Variants in DNAH14 observed in about 807,000 individuals in gnomAD.
DNAH14 encodes the protein axonemal beta dynein heavy chain 14.
A neutral mutation model predicts 520.9 loss-of-function variants in DNAH14; 478 were observed. The observed-to-expected ratio is 0.92, with a 90% CI of 0.85 to 0.99. The LOEUF is 0.99. DNAH14 is among the 50% of genes least tolerant of loss of function. DNAH14 has a pLI of 0.00. For missense variants in DNAH14, 4,831 were observed against 5,234.5 expected (o/e 0.92, Z 2.38); for synonymous variants, 1,581 against 1,757.2 (o/e 0.90, Z 2.51).
intron 23 of DNAH14, among the ~76,000 whole-genome samples, chr1:225,109,800 G>C (rs1401979729): frequency 6.6e-6 from 1 of 152,094 alleles, no homozygotes; most frequent in Non-Finnish European, 1.5e-5. Flanking sequence ...AGATCTTAGA[G>C]GAAAGGCTTT....
intron 41 of DNAH14, 90 bp downstream of exon 41, chr1:225,207,310 C>T (rs2087709580): frequency 7.5e-7 from 1 of 1,335,270 alleles, no homozygotes. Context: ...GAAAATTTTT[C>T]AAAGAGCAGG....
rs371972178 is a variant in DNAH14, at chr1:225,318,593, A to G, written c.9251A>G (p.Asn3084Ser). ...ATATTTTTATTGCAGAAAACTGCCA[A>G]TGAACTAAAAAGTGTGCTGCCAGCC... ...IVEDYAQKTA[N>S]ELKSVLPAFD... The change falls in exon 61 of 86, where the codon AAT (asparagine) becomes AGT (serine). Residue 3084 changes from asparagine (N) to serine (S), a missense_variant. Asn to Ser is a conservative substitution (Grantham distance 46, BLOSUM62 1). Coordinates refer to ENST00000682510, the MANE Select transcript of DNAH14 (RefSeq NM_001367479.1). 289 of 1,545,326 alleles carry G rather than the reference A, an allele frequency of 1.9e-4. No individual in the cohort carries two copies. In the African/African-American group the frequency reaches 3.4e-3, roughly 18 times the overall value.
chr1:225,276,942 A>AAAGGAAGGAAGG (rs1233915382), intron 53 of DNAH14, among the ~76,000 whole-genome samples: 2 of 69,058 alleles, frequency 2.9e-5, no homozygotes, highest in Non-Finnish European at 5.9e-5. Context: ...AGAAGAAGAA[A>AAAGGAAGGAAGG]AAGGAAGGAA....
chr1:225,270,222 A>T lies in DNAH14; in HGVS notation c.7540-513A>T, dbSNP rs752229261. On this transcript the variant is annotated intron_variant, in intron 49 of 85. Coordinates refer to ENST00000682510, the MANE Select transcript of DNAH14 (RefSeq NM_001367479.1). ...TCATTCTGAGCAAACTATCGCAAGG[A>T]CAGAAAACCAAACACCGCATGTTCT... Among the ~76,000 whole-genome samples the T allele has an allele frequency of 1.2e-4, 18 of 150,554 alleles. No individual in the cohort carries two copies. The East Asian group carries it at 2.4e-3, about 20-fold the overall frequency.
chr1:225,254,078 C>G (rs371651965), intron 44 of DNAH14, among the ~76,000 whole-genome samples: 6 of 151,694 alleles, frequency 4.0e-5, no homozygotes, highest in East Asian at 3.9e-4. Flanking sequence ...TTTTTTTCTC[C>G]CCTTTCTTGC....
intron 17 of DNAH14, among the ~76,000 whole-genome samples, chr1:225,075,825 G>A (rs1482093167): frequency 1.3e-5 from 2 of 152,158 alleles, no homozygotes; most frequent in Non-Finnish European, 2.9e-5. Flanking sequence ...GCCATGCTTT[G>A]GTGTCTGTGC....
intron 11 of DNAH14, among the ~76,000 whole-genome samples, chr1:225,035,096 G>T (rs1413746981): frequency 6.6e-6 from 1 of 151,764 alleles, no homozygotes; most frequent in African/African-American, 2.4e-5. Flanking sequence ...CTTCTGTTGG[G>T]CTCTGATTTT....
chr1:225,259,253 G>T lies in DNAH14; in HGVS notation c.7157G>T (p.Ser2386Ile). The T allele has an allele frequency of 1.4e-6, 2 of 1,454,902 alleles. No homozygotes were observed. Among genetic ancestry groups the T allele is most frequent in the Non-Finnish European group, 1.8e-6 (2 of 1,095,922 alleles). The allele number at this position is 1,454,902 out of a possible 1,614,324, so 90.1% of individuals were successfully genotyped here. A position where few individuals can be genotyped will look rare whatever the true frequency, so the allele number is the denominator to read the frequency against. ...TTATATAGTGAAATAAAAAAATCAA[G>T]GTTGTATATACTAACTTCTAAATTT... ...TLLYSEIKKS[S>I]SLKQNITILI... is the part of the protein sequence containing the mutation. Residue 2386 changes from serine (S) to isoleucine (I), a missense_variant and splice_region_variant, in exon 46 of 86, where the codon AGT (serine) becomes ATT (isoleucine). By Grantham distance (142) the Ser-to-Ile change is moderately radical. Transcript: ENST00000682510.
intron 15 of DNAH14, 86 bp downstream of exon 15, chr1:225,044,069 G>A: frequency 5.7e-6 from 4 of 706,118 alleles, no homozygotes. Context: ...TTTACCCAGG[G>A]ATGTGGCAGA....
chr1:225,005,469 C>A lies in DNAH14; in HGVS notation c.976-1944C>A, dbSNP rs374067460. ...GGAGAGATACTTGAGTGATAGAGATCAATTATTATAGTACTGGATAAATGC... is the reference window on the plus strand; with the variant it reads ...GGAGAGATACTTGAGTGATAGAGATAAATTATTATAGTACTGGATAAATGC... On this transcript the variant is annotated intron_variant, in intron 9 of 85. Coordinates refer to ENST00000682510, the MANE Select transcript of DNAH14 (RefSeq NM_001367479.1). Among the ~76,000 whole-genome samples the A allele has an allele frequency of 2.6e-5, 4 of 151,988 alleles. No individual in the cohort carries two copies. In the South Asian group the frequency reaches 8.3e-4, roughly 32 times the overall value.
At chr1:225,086,429 C>T (rs3128660) in intron 21 of DNAH14, among the ~76,000 whole-genome samples, 121,300 of 151,896 alleles carry the variant, frequency 0.8, 51,763 homozygotes, top group Non-Finnish European at 0.96. Context: ...CCACCGTGCC[C>T]GACCCCTAAT....
At chr1:225,203,304 T>A (rs2087103500) in intron 38 of DNAH14, among the ~76,000 whole-genome samples, 1 of 152,184 alleles carries the variant, frequency 6.6e-6, no homozygotes, top group Non-Finnish European at 1.5e-5. Flanking sequence ...CCAAGCATAA[T>A]AATTACTTTT....
At chr1:225,255,767 A>G (rs1010775033) in intron 44 of DNAH14, among the ~76,000 whole-genome samples, 1 of 152,218 alleles carries the variant, frequency 6.6e-6, no homozygotes, top group African/African-American at 2.4e-5. Flanking sequence ...GACTTGGATG[A>G]CTAGAATAAA....
chr1:225,152,585 A>G (rs2080603277), intron 32 of DNAH14, 112 bp from the exon 33 acceptor site: 4 of 993,072 alleles, frequency 4.0e-6, no homozygotes, highest in Non-Finnish European at 5.7e-6. Flanking sequence ...TAATTTTCAG[A>G]TAAAGGTCAC....
In DNAH14 at chr1:225,073,015, A is replaced by G. The variant is rs145238652; in HGVS notation, c.2425-6192A>G. Among the ~76,000 whole-genome samples the G allele has an allele frequency of 2.2e-4, 33 of 152,172 alleles. No homozygotes were observed. The East Asian group carries it at 5.8e-3, about 27-fold the overall frequency. Reference sequence around the variant, plus strand: ...ACCCACTTAACAAAGTAGTCTGGCCATGTTTTCATAGAGTAGCCATCCTGT... The same window carrying G: ...ACCCACTTAACAAAGTAGTCTGGCCGTGTTTTCATAGAGTAGCCATCCTGT... On this transcript the variant is annotated intron_variant, in intron 17 of 85. Coordinates refer to ENST00000682510, the MANE Select transcript of DNAH14 (RefSeq NM_001367479.1).
In DNAH14 at chr1:225,222,721, C is replaced by T. The variant is rs532008015; in HGVS notation, c.6440-8352C>T. Among the ~76,000 whole-genome samples the T allele has an allele frequency of 2.1e-4, 32 of 152,242 alleles. No homozygotes were observed. The East Asian group carries it at 2.9e-3, about 14-fold the overall frequency. ...CAGAAAAGTTCTTCAAGCCCCCACC[C>T]GACCCAGAAATCCAGCTGGCTTTGC... is the stretch of plus-strand genomic sequence containing the variant. On this transcript the variant is annotated intron_variant, in intron 41 of 85. Coordinates refer to ENST00000682510, the MANE Select transcript of DNAH14 (RefSeq NM_001367479.1).
At chr1:225,398,939 A>G (rs2096062481) in intron 85 of DNAH14, 115 bp from the exon 86 acceptor site, 6 of 896,160 alleles carry the variant, frequency 6.7e-6, no homozygotes, top group Non-Finnish European at 1.0e-5. Flanking sequence ...TAACCATTTA[A>G]CCTTAAATGT....
At chr1:225,048,772 G>A (rs920739959) in intron 15 of DNAH14, among the ~76,000 whole-genome samples, 2 of 152,064 alleles carry the variant, frequency 1.3e-5, no homozygotes, top group Non-Finnish European at 2.9e-5. Flanking sequence ...TTAACATTAT[G>A]AGAATGGCCA....
chr1:225,042,815 C>T lies in DNAH14; in HGVS notation c.1489-20C>T. 6.5e-7 allele frequency: 1 copy of T among 1,537,962 alleles called. No individual in the cohort carries two copies. Among genetic ancestry groups the T allele is most frequent in the East Asian group, 2.5e-5 (1 of 40,720 alleles). ...AGTTATATGTTGTCACTGGCACCCT[C>T]ACATTATCCGTTAAATTAGATTTTG... On this transcript the variant is annotated intron_variant, in intron 12 of 85. Transcript: ENST00000682510.
Sources: gnomAD v4.1 joint callset for allele counts (sites outside exome capture counted in the v4.1 genomes callset) on GRCh38, gnomAD v4.1.1 for gene constraint, MANE v1.5 for transcripts, NCBI Gene and HGNC (gene_info 2026-07-23, HGNC 2026-07-21) for gene names.